C12orf76: variants seen among roughly 807,000 people sequenced by gnomAD.
C12orf76 encodes chromosome 12 open reading frame 76.
A neutral mutation model predicts 6.8 loss-of-function variants in C12orf76; 6 were observed. The observed-to-expected ratio is 0.88, with a 90% confidence interval of 0.48 to 1.73. The LOEUF (loss-of-function observed/expected upper bound fraction) is 1.73. Ranked by LOEUF, C12orf76 falls within the 40% of genes most tolerant of loss-of-function variation. The pLI, the probability that C12orf76 is intolerant of heterozygous loss-of-function variation, is 0.01. For synonymous variants in C12orf76, 56 were observed against 43.7 expected, an observed-to-expected ratio of 1.28 and a Z score of -1.11; for missense variants, 99 against 98.2, an observed-to-expected ratio of 1.01 and a Z score of -0.03.
At chr12:110,048,131 G>A (rs1892497465) in intron 1 of C12orf76, among the ~76,000 whole-genome samples, 1 of 152,308 alleles carries the variant, frequency 6.6e-6, no homozygotes, top group East Asian at 1.9e-4. Context: ...AACCTGGGAG[G>A]CGAAGGTTCT....
chr12:110,063,582 G>A (rs1892812426), intron 2 of C12orf76, among the ~76,000 whole-genome samples: 1 of 150,802 alleles, frequency 6.6e-6, no homozygotes, highest in East Asian at 1.9e-4. Context: ...AAGCCACCAC[G>A]CCTGGTGAGG....
upstream of C12orf76, among the ~76,000 whole-genome samples, chr12:110,051,552 G>T (rs555244884): frequency 6.6e-6 from 1 of 151,974 alleles, no homozygotes; most frequent in South Asian, 2.1e-4. Context: ...TCAGCATTCT[G>T]AGTAGCTGGG....
upstream of C12orf76, among the ~76,000 whole-genome samples, chr12:110,070,770 G>C (rs572007610): frequency 6.6e-6 from 1 of 152,000 alleles, no homozygotes; most frequent in South Asian, 2.1e-4. Context: ...AGCATGTTTT[G>C]TTTTGTTTTT....
upstream of C12orf76, chr12:110,051,171 T>G (rs774353603): frequency 1.3e-6 from 1 of 779,320 alleles, no homozygotes; most frequent in African/African-American, 1.7e-5. Flanking sequence ...CAAAGCTAAA[T>G]GGCAGGCACA....
chr12:110,044,568 C>A lies in C12orf76; in HGVS notation c.134-2109G>T, dbSNP rs531489359. On this transcript the variant is annotated intron_variant, in intron 1 of 1. Transcript: ENST00000615315. ...AAAAGAAAACAAAACAAAAGAAAAA[C>A]CAAGATTTGACCATAGTTTTATTTA... The A allele has an allele frequency of 6.8e-4, 104 of 153,524 alleles. 2 individuals are homozygous for A. The highest frequency in any genetic ancestry group is 6.5e-3 in the Admixed American group (99 of 15,166). 9.5% of individuals were successfully genotyped at this position (153,524 alleles called of 1,614,324 possible). A position where few individuals can be genotyped will look rare whatever the true frequency, so the allele number is the denominator to read the frequency against.
At chr12:110,058,065 C>CAAAAAA (rs59838926) in intron 3 of C12orf76, among the ~76,000 whole-genome samples, 12 of 52,656 alleles carry the variant, frequency 2.3e-4, no homozygotes, top group Non-Finnish European at 3.6e-4. Context: ...GACTCGGTCT[C>CAAAAAA]AAAAAAAAAA....
At position 110,042,083 on chromosome 12, in the gene C12orf76, TCTCATGAACA is replaced by T; in HGVS notation, c.*281_*290del. The stretch of plus-strand genomic sequence containing the variant: ...ACTCACAAGGTTACCATGTTTTCTT[TCTCATGAACA>T]CTCCATCTTTACACTGACCTTTGGA... On this transcript the variant is annotated 3_prime_UTR_variant, in exon 2 of 2. Transcript: ENST00000615315. 1 of 432,788 alleles carries T rather than the reference TCTCATGAACA, an allele frequency of 2.3e-6. No homozygotes were observed. The allele number at this position is 432,788 out of a possible 1,614,324, so 26.8% of individuals were successfully genotyped here.
intron 1 of C12orf76, among the ~76,000 whole-genome samples, chr12:110,044,794 A>C (rs1892404663): frequency 6.6e-6 from 1 of 152,008 alleles, no homozygotes; most frequent in African/African-American, 2.4e-5. Context: ...ACCAACATGG[A>C]GAAACCCTGT....
chr12:110,055,177 C>G (rs1892647135), intron 4 of C12orf76, among the ~76,000 whole-genome samples: 1 of 151,456 alleles, frequency 6.6e-6, no homozygotes, highest in Non-Finnish European at 1.5e-5. Flanking sequence ...GGTAAGAGAT[C>G]CAGATTTGAG....
chr12:110,059,224 G>C (rs112606202), intron 2 of C12orf76: 13 of 1,492,416 alleles, frequency 8.7e-6, no homozygotes, highest in Non-Finnish European at 1.1e-5. Context: ...TGTTCCTTGC[G>C]ACTTTACTGA....
chr12:110,059,848 G>A (rs1892740161), intron 2 of C12orf76, among the ~76,000 whole-genome samples: 1 of 152,136 alleles, frequency 6.6e-6, no homozygotes, highest in Non-Finnish European at 1.5e-5. Context: ...AGGGACACAA[G>A]GCAAAACTAA....
At chr12:110,065,851 C>A (rs1468473596) in intron 2 of C12orf76, 1 of 1,614,044 alleles carries the variant, frequency 6.2e-7, no homozygotes, top group Non-Finnish European at 8.5e-7. Context: ...CTCTACCCTC[C>A]TCTCTTACCA....
chr12:110,051,329 C>A (rs77981767), upstream of C12orf76: 16,675 of 695,108 alleles, frequency 0.024, 304 homozygotes, highest in Middle Eastern at 0.033. Flanking sequence ...TCATACCTGC[C>A]TCATGAATTG....
At chr12:110,055,664 A>G (rs181503310) in intron 4 of C12orf76, among the ~76,000 whole-genome samples, 30 of 152,238 alleles carry the variant, frequency 2.0e-4, no homozygotes, top group Middle Eastern at 6.8e-3. Flanking sequence ...TTATTACTCA[A>G]ATCTGTCTCC....
chr12:110,056,548 C>T lies in C12orf76; in HGVS notation n.664+641G>A, dbSNP rs182349162. On this transcript the variant is annotated intron_variant and non_coding_transcript_variant, in intron 4 of 4. Transcript: ENST00000309050. ...ATTCCTTGAGCCCAGGAGTTCAAGACCAGCCTGGGCAACACAGTAAGACTC... is the reference window on the plus strand; with the variant it reads ...ATTCCTTGAGCCCAGGAGTTCAAGATCAGCCTGGGCAACACAGTAAGACTC... Among the ~76,000 whole-genome samples, 403 of 151,960 alleles carry T rather than the reference C, an allele frequency of 2.7e-3. 1 individual carries two copies. Among genetic ancestry groups the T allele is most frequent in the African/African-American group, 9.4e-3 (388 of 41,448 alleles).
intron 1 of C12orf76, among the ~76,000 whole-genome samples, chr12:110,066,547 C>T (rs1035395953): frequency 2.6e-5 from 4 of 151,882 alleles, no homozygotes; most frequent in African/African-American, 7.3e-5. Context: ...ATTAGTAGGG[C>T]GTGGTGGCGC....
intron 1 of C12orf76, among the ~76,000 whole-genome samples, chr12:110,072,706 T>C (rs927241108): frequency 6.6e-6 from 1 of 152,084 alleles, no homozygotes; most frequent in African/African-American, 2.4e-5. Flanking sequence ...GTGGATCACA[T>C]GAGGTCAGGA....
intron 4 of C12orf76, among the ~76,000 whole-genome samples, chr12:110,056,608 C>T (rs1892672074): frequency 6.6e-6 from 1 of 152,008 alleles, no homozygotes; most frequent in Admixed American, 6.6e-5. Flanking sequence ...AAGAGGAAAG[C>T]TGGAAAGAGT....
upstream of C12orf76, among the ~76,000 whole-genome samples, chr12:110,069,833 T>G (rs138052052): frequency 2.4e-3 from 369 of 152,344 alleles, 4 homozygotes; most frequent in African/African-American, 8.5e-3. Flanking sequence ...CCATGGAACA[T>G]GTATAACTGA....
Sources: allele counts gnomAD v4.1 joint callset (sites outside exome capture counted in the v4.1 genomes callset), GRCh38; gene constraint gnomAD v4.1.1; transcripts MANE v1.5; gene names NCBI Gene and HGNC (gene_info 2026-07-23, HGNC 2026-07-21).